The following CCDC191 variants were observed in gnomAD, a reference collection of about 807,000 sequenced individuals.
CCDC191 encodes the protein coiled-coil domain containing 191.
A neutral mutation model predicts 114.0 loss-of-function variants in CCDC191; 99 were observed. That is an observed-to-expected ratio of 0.87 (90% confidence interval 0.74 to 1.03). The LOEUF (loss-of-function observed/expected upper bound fraction) is 1.03, where lower values mean the gene tolerates loss of function less well. Among genes scored for constraint, CCDC191 ranks in the 50% least tolerant of loss-of-function variants. The pLI, the probability that CCDC191 is intolerant of heterozygous loss-of-function variation, is 0.00. For synonymous variants in CCDC191, 351 were observed against 376.0 expected, an observed-to-expected ratio of 0.93 and a Z score of 0.77; for missense variants, 973 against 1,087.0, an observed-to-expected ratio of 0.90 and a Z score of 1.47.
In CCDC191 at chr3:114,018,676, AC is replaced by A; in HGVS notation, c.1163+1del. On this transcript the variant is annotated splice_donor_variant, in intron 8 of 16. Coordinates refer to ENST00000295878, the MANE Select transcript of CCDC191 (RefSeq NM_020817.2). LOFTEE classifies it high-confidence loss of function. ...AGATTTTCACAATACAAATAATGAT[AC>A]CTGTTTTCTTCCCTAAGATCATTTT... The A allele has an allele frequency of 6.2e-7, 1 of 1,605,652 alleles. No homozygotes were observed.
At chr3:114,056,588 C>G (rs772876231), upstream of CCDC191, 1 of 1,591,092 alleles carries the variant, frequency 6.3e-7, no homozygotes, top group African/African-American at 1.3e-5. Context: ...GCATAGGACA[C>G]CGTCGAACCA....
chr3:114,024,315 A>G (rs1435363121), intron 7 of CCDC191, among the ~76,000 whole-genome samples: 5 of 152,234 alleles, frequency 3.3e-5, no homozygotes, highest in Admixed American at 1.3e-4. Context: ...ATCTAGAACT[A>G]GAAATACCAT....
chr3:114,000,476 C>T (rs2075834020), intron 13 of CCDC191, among the ~76,000 whole-genome samples: 1 of 152,108 alleles, frequency 6.6e-6, no homozygotes, highest in African/African-American at 2.4e-5. Context: ...TCCATAATTG[C>T]GTGAGCCAAT....
At chr3:113,980,259 A>G (rs763281430) in intron 14 of CCDC191, among the ~76,000 whole-genome samples, 1 of 152,180 alleles carries the variant, frequency 6.6e-6, no homozygotes, top group Non-Finnish European at 1.5e-5. Flanking sequence ...CAGACATATG[A>G]GTGAGAAATA....
chr3:114,030,557 C>T (rs984754570), intron 7 of CCDC191, among the ~76,000 whole-genome samples: 8 of 152,132 alleles, frequency 5.3e-5, no homozygotes, highest in African/African-American at 1.9e-4. Context: ...TACTACATTT[C>T]CTTCTGTTTT....
rs561424907 is a variant in CCDC191 at position 113,991,267 on chromosome 3, C to G, written c.2163+10328G>C. Reference sequence around the variant, plus strand: ...AAAGAAAAACAAACAAACCCCCCCCCCCAAAAACCAATTTCTTAACAAAAT... The same window carrying G: ...AAAGAAAAACAAACAAACCCCCCCCGCCAAAAACCAATTTCTTAACAAAAT... On this transcript the variant is annotated intron_variant, in intron 13 of 16. Transcript: ENST00000295878. 1.4e-3 allele frequency among the ~76,000 whole-genome samples: 203 copies of G among 142,432 alleles called. 2 individuals carry two copies. The highest frequency in any genetic ancestry group is 0.013 in the South Asian group (54 of 4,236). 93.4% of individuals were successfully genotyped at this position (142,432 alleles called of 152,430 possible).
rs1256669022 is a variant in CCDC191, at chr3:113,967,115, GAAAA to G, written c.2607-1760_2607-1757del. The stretch of plus-strand genomic sequence containing the variant: ...CTCTTGTCTCAAAAAAAGAAAAAAA[GAAAA>G]AAAGAAAAAGGCTCCAAGGAATGGA... On this transcript the variant is annotated intron_variant, in intron 16 of 16. Coordinates refer to ENST00000295878, the MANE Select transcript of CCDC191 (RefSeq NM_020817.2). Among the ~76,000 whole-genome samples, 282 of 151,634 alleles carry G rather than the reference GAAAA, an allele frequency of 1.9e-3. 2 individuals carry two copies. Among genetic ancestry groups the G allele is most frequent in the African/African-American group, 6.5e-3 (268 of 41,420 alleles).
chr3:114,029,331 T>C (rs888848305), intron 7 of CCDC191, among the ~76,000 whole-genome samples: 1 of 151,944 alleles, frequency 6.6e-6, no homozygotes, highest in African/African-American at 2.4e-5. Context: ...TAGAATAAAA[T>C]AAATATCAAT....
rs773719094 is a variant in CCDC191, at chr3:114,036,737, T to A, written c.465A>T (p.Lys155Asn). The A allele has an allele frequency of 6.3e-7, 1 of 1,591,326 alleles. No individual in the cohort carries two copies. The highest frequency in any genetic ancestry group is 1.1e-5 in the South Asian group (1 of 87,666). Residue 155 changes from lysine (K) to asparagine (N), a missense_variant, in exon 5 of 17, where the codon AAA becomes AAT. By Grantham distance (94) the Lys-to-Asn change is moderately conservative (BLOSUM62 0). Transcript: ENST00000295878. Reference sequence around the variant, plus strand: ...TTTTATGGAGCAGATGGTCTATAAATTTTTGAACGGTGGTACTTTCCTCTT... The same window carrying A: ...TTTTATGGAGCAGATGGTCTATAAAATTTTGAACGGTGGTACTTTCCTCTT... ...EEEEESTTVQ[K>N]FIDHLLHKNV...
At chr3:113,972,774 C>A (rs537647638) in intron 16 of CCDC191, among the ~76,000 whole-genome samples, 12 of 152,182 alleles carry the variant, frequency 7.9e-5, no homozygotes, top group African/African-American at 2.6e-4. Context: ...TTGTTATATC[C>A]TCTTGCTGAA....
chr3:114,000,583 A>C (rs2075835957), intron 13 of CCDC191, among the ~76,000 whole-genome samples: 1 of 152,090 alleles, frequency 6.6e-6, no homozygotes, highest in African/African-American at 2.4e-5. Context: ...TTTCCTTTTC[A>C]TGAAAATACT....
intron 8 of CCDC191, among the ~76,000 whole-genome samples, chr3:114,014,404 C>T (rs1416533548): frequency 1.3e-5 from 2 of 152,138 alleles, no homozygotes; most frequent in East Asian, 1.9e-4. Context: ...TGCATACCCA[C>T]GTGAGCAGAG....
intron 11 of CCDC191, 175 bp downstream of exon 11, chr3:114,004,462 A>C (rs560224613): frequency 8.3e-7 from 1 of 1,204,222 alleles, no homozygotes; most frequent in East Asian, 3.9e-5. Flanking sequence ...GGAAAAAAGT[A>C]GTGGGGCTCT....
chr3:113,989,493 TTAAAC>T (rs532914884), intron 13 of CCDC191, among the ~76,000 whole-genome samples: 181 of 152,194 alleles, frequency 1.2e-3, no homozygotes, highest in Admixed American at 2.1e-3. Flanking sequence ...AAACTAGAAA[TTAAAC>T]TAGTAAAAAG....
chr3:113,987,781 C>T (rs1289083691), intron 13 of CCDC191, among the ~76,000 whole-genome samples: 5 of 152,134 alleles, frequency 3.3e-5, no homozygotes, highest in Non-Finnish European at 7.4e-5. Context: ...CAGTGGCTCA[C>T]GCCTGTAATC....
At chr3:114,010,076 G>A (rs1489732073) in intron 9 of CCDC191, among the ~76,000 whole-genome samples, 1 of 151,912 alleles carries the variant, frequency 6.6e-6, no homozygotes, top group Non-Finnish European at 1.5e-5. Flanking sequence ...TGTATGTAAT[G>A]ACAGAAAATG....
intron 13 of CCDC191, among the ~76,000 whole-genome samples, chr3:113,982,495 G>A (rs2075192485): frequency 6.6e-6 from 1 of 152,008 alleles, no homozygotes; most frequent in Non-Finnish European, 1.5e-5. Context: ...ACTTATAGTG[G>A]GGATCTATGT....
At chr3:114,035,280 T>A (rs2076467470) in intron 5 of CCDC191, 132 bp from the exon 6 acceptor site, 1 of 644,054 alleles carries the variant, frequency 1.6e-6, no homozygotes, top group Admixed American at 2.9e-5. Context: ...CACTGTTTAT[T>A]GGTAGGAAAG....
intron 2 of CCDC191, among the ~76,000 whole-genome samples, chr3:114,050,520 T>C (rs1384573840): frequency 1.3e-5 from 2 of 152,126 alleles, no homozygotes; most frequent in African/African-American, 4.8e-5. Flanking sequence ...GTAAGGGGGA[T>C]TTGTCCACTT....
Sources: gnomAD v4.1 joint callset for allele counts (sites outside exome capture counted in the v4.1 genomes callset) on GRCh38, gnomAD v4.1.1 for gene constraint, MANE v1.5 for transcripts, NCBI Gene and HGNC (gene_info 2026-07-23, HGNC 2026-07-21) for gene names.